The following ADAM2 variants were observed in gnomAD, a reference collection of about 807,000 sequenced individuals.
The protein encoded by ADAM2 is ADAM metallopeptidase domain 2, also known as disintegrin and metalloproteinase domain-containing protein 2.
A neutral mutation model predicts 99.3 loss-of-function variants in ADAM2; 101 were observed. That is an observed-to-expected ratio of 1.02 (90% CI 0.87 to 1.20). The LOEUF is 1.20. ADAM2 is among the 50% of genes most tolerant of loss of function. The pLI, the probability that ADAM2 is intolerant of heterozygous loss-of-function variation, is 0.00. For missense variants in ADAM2, 948 were observed against 878.7 expected (o/e 1.08, Z -1.00); for synonymous variants, 323 against 287.6 (o/e 1.12, Z -1.25).
At chr8:39,791,700 G>A (rs948076109) in intron 7 of ADAM2, among the ~76,000 whole-genome samples, 1 of 151,962 alleles carries the variant, frequency 6.6e-6, no homozygotes, top group Admixed American at 6.6e-5. Flanking sequence ...ATGACCTTTG[G>A]GTGTTTTGTG....
At chr8:39,819,984 T>C (rs560961599) in intron 6 of ADAM2, among the ~76,000 whole-genome samples, 1 of 152,284 alleles carries the variant, frequency 6.6e-6, no homozygotes, top group African/African-American at 2.4e-5. Flanking sequence ...ATTTGCCTTC[T>C]ACTTTGACTA....
intron 5 of ADAM2, 125 bp downstream of exon 5, chr8:39,821,461 G>T: frequency 2.8e-6 from 2 of 703,404 alleles, no homozygotes; most frequent in East Asian, 2.7e-5. Flanking sequence ...ACCATGCTTT[G>T]TGAGTGGCAG....
intron 16 of ADAM2, among the ~76,000 whole-genome samples, chr8:39,755,254 A>T (rs1347448822): frequency 6.6e-6 from 1 of 152,260 alleles, no homozygotes; most frequent in East Asian, 1.9e-4. Context: ...CCAGCGAAAT[A>T]GTCATAGCAA....
At chr8:39,808,194 A>ACG (rs1310007073) in intron 7 of ADAM2, among the ~76,000 whole-genome samples, 3 of 140,672 alleles carry the variant, frequency 2.1e-5, no homozygotes, top group Non-Finnish European at 4.4e-5. Context: ...AGGAATACAC[A>ACG]CACACACACA....
chr8:39,758,661 G>C (rs1042754565), intron 15 of ADAM2, among the ~76,000 whole-genome samples: 5 of 151,852 alleles, frequency 3.3e-5, no homozygotes, highest in Non-Finnish European at 5.9e-5. Context: ...AGGAACCAAG[G>C]CTCCTTGGAT....
intron 14 of ADAM2, among the ~76,000 whole-genome samples, chr8:39,764,794 A>G (rs1050975310): frequency 1.3e-5 from 2 of 152,054 alleles, no homozygotes; most frequent in Admixed American, 1.3e-4. Flanking sequence ...CAGGCAGATC[A>G]CCTGTGGTCA....
At chr8:39,768,409 G>A (rs1802650014) in intron 12 of ADAM2, among the ~76,000 whole-genome samples, 1 of 152,104 alleles carries the variant, frequency 6.6e-6, no homozygotes, top group Non-Finnish European at 1.5e-5. Flanking sequence ...TTCACTATGA[G>A]TTTCAATATC....
At chr8:39,817,805 A>G (rs1435267732) in intron 6 of ADAM2, 5 of 152,002 alleles carry the variant, frequency 3.3e-5, no homozygotes, top group Non-Finnish European at 7.4e-5. Flanking sequence ...CCGATATTTA[A>G]AGACCTATAA....
intron 16 of ADAM2, among the ~76,000 whole-genome samples, chr8:39,751,850 T>C (rs74945163): frequency 2.0e-5 from 3 of 151,890 alleles, no homozygotes; most frequent in Admixed American, 1.3e-4. Context: ...TTTTTTTTTT[T>C]GAGATAGGGT....
chr8:39,763,198 G>A (rs529382563), intron 14 of ADAM2, among the ~76,000 whole-genome samples: 2 of 152,002 alleles, frequency 1.3e-5, no homozygotes, highest in East Asian at 1.9e-4. Context: ...TTGATTTAGA[G>A]CTCAGTTAAG....
chr8:39,810,573 T>A (rs1270120865), intron 6 of ADAM2, among the ~76,000 whole-genome samples: 5 of 152,164 alleles, frequency 3.3e-5, no homozygotes, highest in Non-Finnish European at 5.9e-5. Context: ...ACAGAAATTA[T>A]AACAAACTCT....
At chr8:39,796,068 T>G (rs574068482) in intron 7 of ADAM2, among the ~76,000 whole-genome samples, 6 of 151,158 alleles carry the variant, frequency 4.0e-5, no homozygotes, top group Non-Finnish European at 7.4e-5. Flanking sequence ...TTTTTTTCCT[T>G]TATTTCTTCT....
intron 6 of ADAM2, among the ~76,000 whole-genome samples, chr8:39,816,138 A>G (rs958828994): frequency 6.6e-6 from 1 of 152,142 alleles, no homozygotes; most frequent in African/African-American, 2.4e-5. Context: ...TCAACTAAAA[A>G]TGCAAAAAAT....
intron 7 of ADAM2, among the ~76,000 whole-genome samples, chr8:39,809,093 T>C (rs1804582608): frequency 6.6e-6 from 1 of 152,186 alleles, no homozygotes; most frequent in African/African-American, 2.4e-5. Context: ...TCTTTTTAAA[T>C]AATATCCAAA....
At chr8:39,751,962 AACTGG>A (rs1264283547) in intron 16 of ADAM2, among the ~76,000 whole-genome samples, 4 of 152,100 alleles carry the variant, frequency 2.6e-5, no homozygotes, top group Non-Finnish European at 5.9e-5. Context: ...CCTCTCAAGT[AACTGG>A]GATTACAGGC....
intron 18 of ADAM2, among the ~76,000 whole-genome samples, chr8:39,747,112 C>T (rs1455768540): frequency 1.3e-5 from 2 of 152,052 alleles, no homozygotes; most frequent in East Asian, 3.9e-4. Context: ...ATCATAAACC[C>T]ACAGATTAAG....
chr8:39,828,670 T>C (rs1013905476), intron 3 of ADAM2, among the ~76,000 whole-genome samples: 1 of 151,840 alleles, frequency 6.6e-6, no homozygotes. Flanking sequence ...CTATGACATT[T>C]GGACAGATAA....
intron 10 of ADAM2, among the ~76,000 whole-genome samples, chr8:39,780,326 T>C (rs1024126242): frequency 6.6e-5 from 10 of 152,030 alleles, no homozygotes; most frequent in African/African-American, 2.4e-4. Flanking sequence ...GACATTTGGG[T>C]GGGGACAGAG....
chr8:39,785,233 T>C (rs1803416045), intron 10 of ADAM2, among the ~76,000 whole-genome samples: 1 of 152,166 alleles, frequency 6.6e-6, no homozygotes, highest in African/African-American at 2.4e-5. Context: ...TTGCATATGG[T>C]GAAAGGAAGG....
Sources: gnomAD v4.1 joint callset for allele counts (sites outside exome capture counted in the v4.1 genomes callset) on GRCh38, gnomAD v4.1.1 for gene constraint, MANE v1.5 for transcripts, NCBI Gene and HGNC (gene_info 2026-07-23, HGNC 2026-07-21) for gene names.